ULK2: variants seen among roughly 807,000 people sequenced by gnomAD.
ULK2 encodes the protein serine/threonine-protein kinase ULK2.
Under a neutral mutation model 127.5 loss-of-function variants are expected in ULK2, and 76 were observed. The observed-to-expected ratio is 0.60, with a 90% CI of 0.50 to 0.72. ULK2 has a LOEUF of 0.72. ULK2 is among the 30% of genes least tolerant of loss of function. The pLI is 0.00. For synonymous variants in ULK2, 452 were observed against 461.9 expected (o/e 0.98, Z 0.28); for missense variants, 1,144 against 1,295.9 (o/e 0.88, Z 1.80).
intron 10 of ULK2, among the ~76,000 whole-genome samples, chr17:19,828,619 T>C (rs1167256756): frequency 1.3e-5 from 2 of 152,038 alleles, no homozygotes; most frequent in Non-Finnish European, 2.9e-5. Flanking sequence ...CAAAACACAT[T>C]ACTATAAAAA....
chr17:19,814,439 T>TATATATATATATATATATATA (rs1491246393), intron 13 of ULK2, among the ~76,000 whole-genome samples: 2 of 10,002 alleles, frequency 2.0e-4, no homozygotes, highest in East Asian at 1.0e-3. Context: ...TATATATATA[T>TATATATATATATATATATATA]TTTTTTTTTT....
chr17:19,860,236 G>A (rs1421822786), intron 3 of ULK2, among the ~76,000 whole-genome samples: 4 of 152,046 alleles, frequency 2.6e-5, no homozygotes, highest in Admixed American at 1.3e-4. Flanking sequence ...TTAACTGTGG[G>A]TATATATTAC....
chr17:19,811,865 CAATA>C (rs1372489287), intron 13 of ULK2, among the ~76,000 whole-genome samples: 1 of 151,978 alleles, frequency 6.6e-6, no homozygotes, highest in Non-Finnish European at 1.5e-5. Flanking sequence ...CAGATAGGAC[CAATA>C]AATAATCATA....
rs1031820128 is a variant in ULK2, at chr17:19,799,413, C to A, written c.1522+82G>T. On this transcript the variant is annotated intron_variant, in intron 17 of 26. Transcript: ENST00000395544. Reference sequence around the variant, plus strand: ...GGAGATATTTCATATCAATTCTGTTCTTTGATAAAACTAGAAAAACACAAC... The same window carrying A: ...GGAGATATTTCATATCAATTCTGTTATTTGATAAAACTAGAAAAACACAAC... 9.1e-6 allele frequency: 11 copies of A among 1,203,520 alleles called. 1 individual carries two copies. In the South Asian group the frequency reaches 1.9e-4, roughly 21 times the overall value. The allele number at this position is 1,203,520 out of a possible 1,614,324, so 74.6% of individuals were successfully genotyped here. A position where few individuals can be genotyped will look rare whatever the true frequency, so the allele number is the denominator to read the frequency against.
chr17:19,864,266 G>A (rs184295302), intron 3 of ULK2, among the ~76,000 whole-genome samples: 66 of 152,278 alleles, frequency 4.3e-4, no homozygotes, highest in African/African-American at 1.5e-3. Context: ...TCAGGAGTTC[G>A]AGACAAGCCT....
intron 3 of ULK2, among the ~76,000 whole-genome samples, chr17:19,863,125 A>C (rs773736470): frequency 6.6e-6 from 1 of 152,052 alleles, no homozygotes; most frequent in Admixed American, 6.6e-5. Context: ...GAGGCACAAG[A>C]ATCGCTTTAA....
At chr17:19,795,560 G>T in intron 20 of ULK2, 62 bp downstream of exon 20, 1 of 1,337,896 alleles carries the variant, frequency 7.5e-7, no homozygotes, top group Non-Finnish European at 1.1e-6. Flanking sequence ...TACAACAGCA[G>T]TAAGAAACAA....
In ULK2 at chr17:19,772,642, A is replaced by C. The variant is rs146736579; in HGVS notation, c.*3707T>G. ...GAAAATACGAGGGAGCATAGTTTAA[A>C]AAGTGTGAAGTCCTCCTCCAAAACA... is the stretch of plus-strand genomic sequence containing the variant. On this transcript the variant is annotated 3_prime_UTR_variant, in exon 27 of 27. Coordinates refer to ENST00000395544, the MANE Select transcript of ULK2 (RefSeq NM_014683.4). The C allele has an allele frequency of 6.6e-6, 1 of 152,368 alleles. No individual in the cohort carries two copies. The highest frequency in any genetic ancestry group is 1.9e-4 in the East Asian group (1 of 5,190). 9.4% of individuals were successfully genotyped at this position (152,368 alleles called of 1,614,324 possible).
chr17:19,789,630 G>T (rs1166975609), intron 20 of ULK2, among the ~76,000 whole-genome samples: 1 of 152,064 alleles, frequency 6.6e-6, no homozygotes, highest in Non-Finnish European at 1.5e-5. Flanking sequence ...CTGTTTTGAG[G>T]AAACTCAAGG....
rs905865686 is a variant in ULK2 at position 19,773,841 on chromosome 17, G to A, written c.*2508C>T. The A allele has an allele frequency of 6.6e-6, 1 of 152,212 alleles. No individual in the cohort carries two copies. Among genetic ancestry groups the A allele is most frequent in the Non-Finnish European group, 1.5e-5 (1 of 68,068 alleles). The allele number at this position is 152,212 out of a possible 1,614,324, so 9.4% of individuals were successfully genotyped here. A position where few individuals can be genotyped will look rare whatever the true frequency, so the allele number is the denominator to read the frequency against. On this transcript the variant is annotated 3_prime_UTR_variant, in exon 27 of 27. Coordinates refer to ENST00000395544, the MANE Select transcript of ULK2 (RefSeq NM_014683.4). Reference sequence around the variant, plus strand: ...TTTCCTCTTAATTACTGTGGAGACTGAGGCAGCCCGACCCTAACAGTCCCC... The same window carrying A: ...TTTCCTCTTAATTACTGTGGAGACTAAGGCAGCCCGACCCTAACAGTCCCC...
intron 12 of ULK2, among the ~76,000 whole-genome samples, chr17:19,824,000 C>A (rs1004324401): frequency 6.6e-6 from 1 of 152,106 alleles, no homozygotes; most frequent in African/African-American, 2.4e-5. Flanking sequence ...TCACTTATCC[C>A]TGAAGAACCC....
chr17:19,854,938 A>AT lies in ULK2; in HGVS notation c.226-5165_226-5164insA, dbSNP rs1407174584. Among the ~76,000 whole-genome samples the AT allele has an allele frequency of 2.0e-5, 3 of 151,318 alleles. No homozygotes were observed. In the Admixed American group the frequency reaches 2.0e-4, roughly 10 times the overall value. On this transcript the variant is annotated intron_variant, in intron 3 of 26. Transcript: ENST00000395544. ...AGATGGTGAAACCCCTTCTCTACTAAAAATACAAAAAATTAGCTGGGCTTG... is the reference window on the plus strand; with the variant it reads ...AGATGGTGAAACCCCTTCTCTACTAATAAATACAAAAAATTAGCTGGGCTTG...
chr17:19,830,881 G>A (rs2041422553), intron 10 of ULK2, among the ~76,000 whole-genome samples: 1 of 151,940 alleles, frequency 6.6e-6, no homozygotes, highest in Non-Finnish European at 1.5e-5. Context: ...ACAAAAATTA[G>A]CCATGCGTGG....
At chr17:19,818,767 A>C (rs2041058140) in intron 12 of ULK2, among the ~76,000 whole-genome samples, 1 of 138,216 alleles carries the variant, frequency 7.2e-6, no homozygotes. Context: ...CTCTCAAATT[A>C]TCATCTCTTC....
rs778659995 is a variant in ULK2 at position 19,785,998 on chromosome 17, A to C, written c.2190T>G (p.Pro730=). The change falls in exon 21 of 27, where the codon CCT becomes CCG. Residue 730 remains proline (P), a synonymous_variant. Coordinates refer to ENST00000395544, the MANE Select transcript of ULK2 (RefSeq NM_014683.4). ...SKAVLFTVGS[P]PHSAAAPTCT... ...AAGTGGGGGCTGCCGCACTGTGTGG[A>C]GGAGACCCTACAGTGAAGAGGACAG... 7 of 1,589,928 alleles carry C rather than the reference A, an allele frequency of 4.4e-6. No homozygotes were observed. The highest frequency in any genetic ancestry group is 1.7e-4 in the Middle Eastern group (1 of 6,010).
chr17:19,862,361 T>C (rs2152403313), intron 3 of ULK2, among the ~76,000 whole-genome samples: 1 of 152,268 alleles, frequency 6.6e-6, no homozygotes, highest in Non-Finnish European at 1.5e-5. Context: ...CCTCCCAAAG[T>C]GTGGATTACA....
intron 12 of ULK2, among the ~76,000 whole-genome samples, chr17:19,824,382 G>A (rs2041235694): frequency 6.7e-6 from 1 of 149,584 alleles, no homozygotes. Flanking sequence ...AGGAGGCGGA[G>A]GTTGCAGTGA....
chr17:19,796,158 C>G lies in ULK2; in HGVS notation c.1934G>C (p.Cys645Ser). ...CCTCTCACTTCCTTGCACTAAGAGGCAATGGGCACATTCCCGTGGCTCATT... is the reference window on the plus strand; with the variant it reads ...CCTCTCACTTCCTTGCACTAAGAGGGAATGGGCACATTCCCGTGGCTCATT... ...DGNEPRECAH[C>S]LLVQGSERQR... The change falls in exon 19 of 27, where the codon TGC becomes TCC. Residue 645 changes from cysteine (C) to serine (S), a missense_variant. Transcript: ENST00000395544. 1.9e-6 allele frequency: 3 copies of G among 1,614,216 alleles called. No individual in the cohort carries two copies. Among genetic ancestry groups the G allele is most frequent in the Non-Finnish European group, 2.5e-6 (3 of 1,180,038 alleles).
intron 13 of ULK2, 116 bp downstream of exon 13, chr17:19,816,632 TA>T: frequency 3.3e-6 from 3 of 906,214 alleles, no homozygotes; most frequent in Non-Finnish European, 4.6e-6. Flanking sequence ...AACAACTAAA[TA>T]AAATGCTCAT....
Sources: allele counts gnomAD v4.1 joint callset (sites outside exome capture counted in the v4.1 genomes callset), GRCh38; gene constraint gnomAD v4.1.1; transcripts MANE v1.5; gene names NCBI Gene and HGNC (gene_info 2026-07-23, HGNC 2026-07-21).